Variants in MLLT10 observed in about 807,000 individuals in gnomAD.
The protein encoded by MLLT10 is protein AF-10.
MLLT10 carries 30 observed loss-of-function variants against 129.1 expected under a neutral mutation model. The observed-to-expected ratio is 0.23, with a 90% CI of 0.17 to 0.32. The LOEUF is 0.32. Among genes scored for constraint, MLLT10 ranks in the 10% least tolerant of loss-of-function variants. The probability of loss-of-function intolerance (pLI) is 1.00; values close to 1 mark genes in which losing one functional copy is unlikely to be tolerated. For synonymous variants in MLLT10, 490 were observed against 446.4 expected, an observed-to-expected ratio of 1.10 and a Z score of -1.23; for missense variants, 1,119 against 1,268.3, an observed-to-expected ratio of 0.88 and a Z score of 1.79.
At chr10:21,740,261 C>T (rs1393718592) in intron 22 of MLLT10, 25 bp downstream of exon 22, 11 of 1,601,834 alleles carry the variant, frequency 6.9e-6, no homozygotes, top group Middle Eastern at 1.7e-4. Context: ...CTTACTACAT[C>T]TAATGAAACA....
At chr10:21,595,517 T>A in intron 5 of MLLT10, 77 bp downstream of exon 5, 1 of 1,110,260 alleles carries the variant, frequency 9.0e-7, no homozygotes, top group Non-Finnish European at 1.3e-6. Flanking sequence ...GTTTTTAAAA[T>A]CACAGGTCTC....
chr10:21,537,606 A>G (rs909505823), intron 2 of MLLT10, among the ~76,000 whole-genome samples: 4 of 152,076 alleles, frequency 2.6e-5, no homozygotes, highest in African/African-American at 4.8e-5. Context: ...CTGGGGTTAC[A>G]GGCACCTGCC....
chr10:21,625,747 G>T, intron 8 of MLLT10: 1 of 768,444 alleles, frequency 1.3e-6, no homozygotes, highest in Admixed American at 1.7e-5. Context: ...TTGTTTACCA[G>T]GGCGAATTTC....
Position 21,670,429 on chromosome 10 carries a change from T to A in MLLT10, c.796-20T>A. 1 of 1,582,798 alleles carries A rather than the reference T, an allele frequency of 6.3e-7. No individual in the cohort carries two copies. The highest frequency in any genetic ancestry group is 8.6e-7 in the Non-Finnish European group (1 of 1,165,922). On this transcript the variant is annotated intron_variant, in intron 9 of 22. Transcript: ENST00000307729. ...ATGTAATCAACTCTTTTTCCTTCCC[T>A]TTTTGAATCAAAATGTTAGACTTAT...
At chr10:21,719,600 A>G (rs1344793356) in intron 14 of MLLT10, among the ~76,000 whole-genome samples, 1 of 152,202 alleles carries the variant, frequency 6.6e-6, no homozygotes, top group Non-Finnish European at 1.5e-5. Flanking sequence ...GCAATGCAGA[A>G]GAGAGAAATT....
At chr10:21,559,434 T>A (rs1167612602) in intron 3 of MLLT10, among the ~76,000 whole-genome samples, 2 of 152,248 alleles carry the variant, frequency 1.3e-5, no homozygotes, top group African/African-American at 2.4e-5. Flanking sequence ...CATGGTAATC[T>A]GATTATTCAG....
intron 9 of MLLT10, among the ~76,000 whole-genome samples, chr10:21,656,835 G>A (rs1198976880): frequency 1.3e-5 from 2 of 152,158 alleles, no homozygotes; most frequent in Non-Finnish European, 2.9e-5. Flanking sequence ...AAGTGTAAGT[G>A]TCTTTTCCAG....
intron 14 of MLLT10, among the ~76,000 whole-genome samples, chr10:21,722,168 G>T (rs2057180635): frequency 6.6e-6 from 1 of 152,106 alleles, no homozygotes; most frequent in African/African-American, 2.4e-5. Flanking sequence ...TACAAGGACA[G>T]TACAGAGAGT....
rs1265693702 is a variant in MLLT10 at position 21,734,028 on chromosome 10, T to C, written c.2757T>C (p.Val919=). The change falls in exon 20 of 23, where the codon GTT becomes GTC. Residue 919 remains valine, a synonymous_variant. Transcript: ENST00000307729. ...INGIVGALNG[V]MQTPVTMSQN... is the part of the protein sequence containing the mutation. ...GCATTGTAGGAGCTTTAAATGGGGT[T>C]ATGCAGACTCCTGTCACAATGTCCC... 6.2e-7 allele frequency: 1 copy of C among 1,614,162 alleles called. No homozygotes were observed. Among genetic ancestry groups the C allele is most frequent in the Middle Eastern group, 1.6e-4 (1 of 6,062 alleles).
chr10:21,624,757 G>A, intron 8 of MLLT10: 1 of 1,175,306 alleles, frequency 8.5e-7, no homozygotes, highest in Non-Finnish European at 1.3e-6. Context: ...CAGGTTGGTT[G>A]TAAGCATCTG....
chr10:21,586,143 CTGTT>C, intron 3 of MLLT10, 147 bp from the exon 4 acceptor site: 1 of 675,512 alleles, frequency 1.5e-6, no homozygotes, highest in Non-Finnish European at 2.6e-6. Context: ...TCAAGAACAA[CTGTT>C]TGTGAAGAAT....
In MLLT10 at chr10:21,743,471, G is replaced by C. The variant is rs1316046129; in HGVS notation, c.*1488G>C. 2.1e-5 allele frequency: 4 copies of C among 191,074 alleles called. No homozygotes were observed. Among genetic ancestry groups the C allele is most frequent in the African/African-American group, 9.3e-5 (4 of 42,996 alleles). The allele number at this position is 191,074 out of a possible 1,614,324, so 11.8% of individuals were successfully genotyped here. ...CTTTTGTAGATAATTTAAAAAATCA[G>C]TGTGGTTTATTTTACTTATTTAACC... On this transcript the variant is annotated 3_prime_UTR_variant, in exon 23 of 23. Coordinates refer to ENST00000307729, the MANE Select transcript of MLLT10 (RefSeq NM_001195626.3).
chr10:21,668,423 A>G (rs936159578), intron 9 of MLLT10, among the ~76,000 whole-genome samples: 3 of 152,126 alleles, frequency 2.0e-5, no homozygotes, highest in Non-Finnish European at 4.4e-5. Context: ...ATCATTTTTA[A>G]ACCTGGAATT....
intron 3 of MLLT10, among the ~76,000 whole-genome samples, chr10:21,580,304 C>T (rs537671419): frequency 4.0e-5 from 6 of 151,484 alleles, no homozygotes; most frequent in Admixed American, 1.3e-4. Flanking sequence ...GACAATATAA[C>T]GGAAATGGTA....
intron 8 of MLLT10, among the ~76,000 whole-genome samples, chr10:21,633,411 A>G (rs907834213): frequency 1.3e-5 from 2 of 152,222 alleles, no homozygotes; most frequent in Non-Finnish European, 2.9e-5. Flanking sequence ...AGTTTTGGTT[A>G]GGAGATTTTT....
chr10:21,727,953 T>G, intron 16 of MLLT10, 25 bp downstream of exon 16: 1 of 1,605,898 alleles, frequency 6.2e-7, no homozygotes, highest in Non-Finnish European at 8.5e-7. Flanking sequence ...CACTGCAAAG[T>G]ATAGGCAAAG....
chr10:21,621,477 C>T (rs973791410), intron 8 of MLLT10, among the ~76,000 whole-genome samples: 13 of 152,176 alleles, frequency 8.5e-5, no homozygotes, highest in Non-Finnish European at 1.5e-4. Context: ...GATCTCCTGA[C>T]CTCATGATCC....
At chr10:21,625,022 G>A in intron 8 of MLLT10, 1 of 974,242 alleles carries the variant, frequency 1.0e-6, no homozygotes, top group Non-Finnish European at 1.6e-6. Context: ...CATAGCCATA[G>A]TAGGGAATCT....
chr10:21,620,610 A>G (rs1358238010), intron 8 of MLLT10, among the ~76,000 whole-genome samples: 1 of 152,122 alleles, frequency 6.6e-6, no homozygotes, highest in African/African-American at 2.4e-5. Context: ...ACATTGAACC[A>G]CTTTCTTTCT....
Sources: allele counts gnomAD v4.1 joint callset (sites outside exome capture counted in the v4.1 genomes callset), GRCh38; gene constraint gnomAD v4.1.1; transcripts MANE v1.5; gene names NCBI Gene and HGNC (gene_info 2026-07-23, HGNC 2026-07-21).